The following CHEK1 variants were observed in gnomAD, a reference collection of about 807,000 sequenced individuals.
CHEK1 encodes the protein checkpoint kinase 1.
A neutral mutation model predicts 60.2 loss-of-function variants in CHEK1; 32 were observed. The ratio of observed to expected loss-of-function variants is 0.53; its 90% CI spans 0.40 to 0.71. The LOEUF (loss-of-function observed/expected upper bound fraction) is 0.71, where lower values mean the gene tolerates loss of function less well. Among genes scored for constraint, CHEK1 ranks in the 30% least tolerant of loss-of-function variants. The pLI, the probability that CHEK1 is intolerant of heterozygous loss-of-function variation, is 0.00. For missense variants in CHEK1, 399 were observed against 564.6 expected, an observed-to-expected ratio of 0.71 and a Z score of 2.97; for synonymous variants, 179 against 187.2, an observed-to-expected ratio of 0.96 and a Z score of 0.36.
At chr11:125,642,015 C>A (rs1941323359) in intron 8 of CHEK1, among the ~76,000 whole-genome samples, 1 of 151,880 alleles carries the variant, frequency 6.6e-6, no homozygotes, top group East Asian at 1.9e-4. Context: ...CTGCTTTGCT[C>A]CCCCTTGGTC....
exon 14 of CHEK1, chr11:125,676,112 T>C: frequency 2.6e-6 from 1 of 380,780 alleles, no homozygotes; most frequent in Non-Finnish European, 4.8e-6. Flanking sequence ...TTTTTCATGT[T>C]GGCCAGGCTG....
downstream of CHEK1, chr11:125,680,727 A>G (rs1942759292): frequency 1.2e-6 from 2 of 1,613,084 alleles, no homozygotes; most frequent in Non-Finnish European, 1.7e-6. Flanking sequence ...TCAAACACTC[A>G]CCTCTGGCAG....
chr11:125,677,699 C>A, downstream of CHEK1: 1 of 1,498,284 alleles, frequency 6.7e-7, no homozygotes, highest in Admixed American at 1.9e-5. Flanking sequence ...GTTAACAATT[C>A]TTTCTTCTGC....
At position 125,633,988 on chromosome 11, in the gene CHEK1, C is replaced by T. The variant is rs973491760; in HGVS notation, c.613+637C>T. Reference sequence around the variant, plus strand: ...GGACAGCCAAGAGAGCAGAAGCAAGCTCTATTGTGGTTTTTTTTTTTTTTT... The same window carrying T: ...GGACAGCCAAGAGAGCAGAAGCAAGTTCTATTGTGGTTTTTTTTTTTTTTT... On this transcript the variant is annotated intron_variant, in intron 6 of 12. Transcript: ENST00000438015. Among the ~76,000 whole-genome samples the T allele has an allele frequency of 1.5e-4, 20 of 130,972 alleles. No homozygotes were observed. The East Asian group carries it at 4.1e-3, about 27-fold the overall frequency. 85.9% of individuals were successfully genotyped at this position (130,972 alleles called of 152,430 possible). A position where few individuals can be genotyped will look rare whatever the true frequency, so the allele number is the denominator to read the frequency against.
chr11:125,650,680 C>G (rs1396620621), intron 11 of CHEK1, among the ~76,000 whole-genome samples: 1 of 152,062 alleles, frequency 6.6e-6, no homozygotes, highest in African/African-American at 2.4e-5. Context: ...TCTCGAACTC[C>G]TGACCTCAGG....
At chr11:125,649,040 C>G (rs1209984885) in intron 11 of CHEK1, among the ~76,000 whole-genome samples, 3 of 152,124 alleles carry the variant, frequency 2.0e-5, no homozygotes, top group Non-Finnish European at 4.4e-5. Context: ...TGGCCTTGAC[C>G]TTCTGGGCTC....
At chr11:125,665,225 GTT>G (rs71279470) in intron 13 of CHEK1, among the ~76,000 whole-genome samples, 12 of 120,494 alleles carry the variant, frequency 1.0e-4, no homozygotes, top group Admixed American at 2.5e-4. Flanking sequence ...CTCCAGCTTT[GTT>G]TTTTTTTTTT....
downstream of CHEK1, chr11:125,676,455 ATGTGTAGCAATTTAATAT>A: frequency 6.2e-7 from 1 of 1,614,046 alleles, no homozygotes; most frequent in Non-Finnish European, 8.5e-7. Context: ...ATATAAGCAC[ATGTGTAGCAATTTAATAT>A]TGTGCCTGAA....
intron 8 of CHEK1, among the ~76,000 whole-genome samples, chr11:125,641,727 C>T (rs1398607348): frequency 6.6e-6 from 1 of 152,054 alleles, no homozygotes; most frequent in East Asian, 1.9e-4. Context: ...TTTTACTTCA[C>T]ATCCAGTACA....
intron 13 of CHEK1, chr11:125,672,532 G>A (rs1942242578): frequency 6.3e-7 from 1 of 1,595,654 alleles, no homozygotes; most frequent in East Asian, 2.2e-5. Flanking sequence ...TATAAAATGA[G>A]CCAAATAGAG....
chr11:125,637,550 A>G lies in CHEK1; in HGVS notation c.814+6A>G, dbSNP rs2136004259. On this transcript the variant is annotated splice_donor_region_variant and intron_variant, in intron 8 of 12. Coordinates refer to ENST00000438015, the MANE Select transcript of CHEK1 (RefSeq NM_001114122.3). Reference sequence around the variant, plus strand: ...CAACAAACCCCTCAAGAAAGGTAATATCCTTAAACTACAAGTTTGTTTGTT... The same window carrying G: ...CAACAAACCCCTCAAGAAAGGTAATGTCCTTAAACTACAAGTTTGTTTGTT... 1 of 1,584,334 alleles carries G rather than the reference A, an allele frequency of 6.3e-7. No homozygotes were observed. The highest frequency in any genetic ancestry group is 8.6e-7 in the Non-Finnish European group (1 of 1,161,068).
At chr11:125,639,333 A>C (rs974267186) in intron 8 of CHEK1, among the ~76,000 whole-genome samples, 1 of 148,438 alleles carries the variant, frequency 6.7e-6, no homozygotes, top group Non-Finnish European at 1.5e-5. Context: ...GTTTCCCCAC[A>C]TCTTTCTCTG....
At chr11:125,679,764 T>C (rs971237214), downstream of CHEK1, among the ~76,000 whole-genome samples, 2 of 152,220 alleles carry the variant, frequency 1.3e-5, no homozygotes, top group Non-Finnish European at 2.9e-5. Flanking sequence ...GCGATAGATA[T>C]ATTTTCTTGG....
At chr11:125,630,896 A>T (rs2135983013) in intron 5 of CHEK1, among the ~76,000 whole-genome samples, 1 of 152,302 alleles carries the variant, frequency 6.6e-6, no homozygotes, top group Admixed American at 6.5e-5. Flanking sequence ...ATGGCTTTTC[A>T]AGCCATGTCA....
intron 13 of CHEK1, among the ~76,000 whole-genome samples, chr11:125,666,793 T>C (rs535162017): frequency 6.6e-6 from 1 of 152,354 alleles, no homozygotes; most frequent in African/African-American, 2.4e-5. Flanking sequence ...CTATTTGATA[T>C]AAATACAGGT....
chr11:125,678,228 C>G (rs756376286), downstream of CHEK1: 1 of 1,614,124 alleles, frequency 6.2e-7, no homozygotes, highest in East Asian at 2.2e-5. Flanking sequence ...AAAGAACTCA[C>G]CTGGAAGTTG....
At chr11:125,669,582 G>A (rs111350132) in intron 13 of CHEK1, among the ~76,000 whole-genome samples, 18,250 of 142,328 alleles carry the variant, frequency 0.13, 1,248 homozygotes, top group East Asian at 0.2. Flanking sequence ...GGAGTACAGT[G>A]GTGCGATCTC....
At chr11:125,634,904 A>G (rs538229827) in intron 6 of CHEK1, among the ~76,000 whole-genome samples, 1 of 152,232 alleles carries the variant, frequency 6.6e-6, no homozygotes, top group Admixed American at 6.5e-5. Context: ...TCTCCTGTGT[A>G]TCATGTAAAC....
downstream of CHEK1, among the ~76,000 whole-genome samples, chr11:125,679,192 C>T (rs1942673608): frequency 7.1e-6 from 1 of 140,224 alleles, no homozygotes; most frequent in Non-Finnish European, 1.6e-5. Flanking sequence ...TGGCCAGTCT[C>T]TTCTACCTTT....
Sources: gnomAD v4.1 joint callset for allele counts (sites outside exome capture counted in the v4.1 genomes callset) on GRCh38, gnomAD v4.1.1 for gene constraint, MANE v1.5 for transcripts, NCBI Gene and HGNC (gene_info 2026-07-23, HGNC 2026-07-21) for gene names.